Variants in TP53AIP1 observed in about 807,000 individuals in gnomAD.
TP53AIP1 encodes tumor protein p53 regulated apoptosis inducing protein 1.
Under a neutral mutation model 9.5 loss-of-function variants are expected in TP53AIP1, and 14 were observed. The ratio of observed to expected loss-of-function variants is 1.47; its 90% CI spans 0.97 to 2.30. The LOEUF is 2.30. TP53AIP1 is among the 30% of genes most tolerant of loss of function. The pLI, the probability that TP53AIP1 is intolerant of heterozygous loss-of-function variation, is 0.00. For missense variants in TP53AIP1, 153 were observed against 146.7 expected, an observed-to-expected ratio of 1.04 and a Z score of -0.22; for synonymous variants, 73 against 61.2, an observed-to-expected ratio of 1.19 and a Z score of -0.90.
At chr11:128,936,441 A>C (rs1944824964) in intron 3 of TP53AIP1, 97 bp downstream of exon 3, 12 of 1,425,902 alleles carry the variant, frequency 8.4e-6, no homozygotes, top group Non-Finnish European at 1.1e-5. Context: ...AAACTCAAAA[A>C]ACCCTATGTC....
intron 3 of TP53AIP1, 46 bp downstream of exon 3, chr11:128,936,492 C>T (rs917138318): frequency 6.6e-7 from 1 of 1,504,806 alleles, no homozygotes. Context: ...TCACTTAATT[C>T]TATCACGGCC....
chr11:128,940,440 T>C (rs910542163), intron 1 of TP53AIP1, among the ~76,000 whole-genome samples: 1 of 152,210 alleles, frequency 6.6e-6, no homozygotes, highest in African/African-American at 2.4e-5. Flanking sequence ...AAGAGGGGAT[T>C]AGGCCATGAA....
At chr11:128,941,170 GAGCTCA>G (rs1380364040) in intron 1 of TP53AIP1, among the ~76,000 whole-genome samples, 1 of 152,202 alleles carries the variant, frequency 6.6e-6, no homozygotes, top group Non-Finnish European at 1.5e-5. Context: ...GGAAGAGGAA[GAGCTCA>G]GCATCCACTT....
chr11:128,942,560 G>A (rs1196871874), intron 1 of TP53AIP1, among the ~76,000 whole-genome samples: 7 of 152,228 alleles, frequency 4.6e-5, no homozygotes, highest in Non-Finnish European at 1.0e-4. Context: ...TCTGCAGTGT[G>A]TGTTTTCGTA....
chr11:128,935,755 G>A, intron 3 of TP53AIP1, 43 bp from the exon 4 acceptor site: 1 of 1,499,018 alleles, frequency 6.7e-7, no homozygotes, highest in Non-Finnish European at 8.9e-7. Context: ...AAAACGTATG[G>A]AGTCCTTGTT....
In TP53AIP1 at chr11:128,937,326, G is replaced by T; in HGVS notation, c.141+352C>A. On this transcript the variant is annotated intron_variant, in intron 2 of 3. Transcript: ENST00000531399. This position sits in a 1 kb window ranked among gnomAD's most constrained non-coding sequence, Gnocchi z 4.8. ...TTCCCTCCCCATGCGCTCCACATGC[G>T]TCCTTTGTTCAGCCTCTCCATTTAG... The T allele has an allele frequency of 7.1e-7, 1 of 1,400,660 alleles. No individual in the cohort carries two copies. Among genetic ancestry groups the T allele is most frequent in the Non-Finnish European group, 9.2e-7 (1 of 1,081,200 alleles). 86.8% of individuals were successfully genotyped at this position (1,400,660 alleles called of 1,614,324 possible). A position where few individuals can be genotyped will look rare whatever the true frequency, so the allele number is the denominator to read the frequency against.
At chr11:128,936,168 G>C in intron 3 of TP53AIP1, 1 of 1,046,220 alleles carries the variant, frequency 9.6e-7, no homozygotes, top group Non-Finnish European at 1.2e-6. Context: ...AGACCCCGCA[G>C]CCTGGCTCCA....
intron 2 of TP53AIP1, chr11:128,936,944 C>T (rs1944836639): frequency 3.4e-6 from 4 of 1,172,082 alleles, no homozygotes; most frequent in Non-Finnish European, 3.2e-6. Context: ...CAGCTCGGGG[C>T]TTTGTCACCC....
At position 128,939,473 on chromosome 11, in the gene TP53AIP1, C is replaced by T. The variant is rs1264351371; in HGVS notation, c.-76-1579G>A. On this transcript the variant is annotated intron_variant, in intron 1 of 3. Coordinates refer to ENST00000531399, the MANE Select transcript of TP53AIP1 (RefSeq NM_022112.3). This position sits in a 1 kb window ranked among gnomAD's most constrained non-coding sequence, Gnocchi z 4.1. ...TGAAGAGTTTGAGCTGGTGCCTACA[C>T]CTCCGTCTTCCAGCCACTGAAAACA... 1.3e-5 allele frequency among the ~76,000 whole-genome samples: 2 copies of T among 152,220 alleles called. No homozygotes were observed. The highest frequency in any genetic ancestry group is 6.5e-5 in the Admixed American group (1 of 15,290).
intron 1 of TP53AIP1, among the ~76,000 whole-genome samples, chr11:128,938,600 C>G (rs575895765): frequency 6.6e-6 from 1 of 152,176 alleles, no homozygotes; most frequent in African/African-American, 2.4e-5. Flanking sequence ...CAGTCTTCCC[C>G]GTCCCTGTTC....
At chr11:128,934,774 C>G, downstream of TP53AIP1, 1 of 505,158 alleles carries the variant, frequency 2.0e-6, no homozygotes, top group South Asian at 2.4e-5. Context: ...CTAGAATGCA[C>G]AAGGGAGGAA....
intron 1 of TP53AIP1, among the ~76,000 whole-genome samples, chr11:128,942,026 G>T (rs1224991813): frequency 7.2e-6 from 1 of 138,640 alleles, no homozygotes; most frequent in Non-Finnish European, 1.6e-5. Context: ...CAATCTTCTG[G>T]GGGGCTGTGG....
chr11:128,936,326 G>T (rs904242375), intron 3 of TP53AIP1: 1 of 1,355,604 alleles, frequency 7.4e-7, no homozygotes. Context: ...TAAGTGTACC[G>T]TTACCTTTTA....
At chr11:128,940,171 G>C (rs1944913873) in intron 1 of TP53AIP1, among the ~76,000 whole-genome samples, 1 of 152,200 alleles carries the variant, frequency 6.6e-6, no homozygotes, top group Admixed American at 6.5e-5. Flanking sequence ...CCCCTGCACA[G>C]GAACCCACTC....
In TP53AIP1 at chr11:128,939,646, G is replaced by A. The variant is rs1011895851; in HGVS notation, c.-76-1752C>T. ...ACAAAAGGGATCCCCTTTCCAACCC[G>A]AAACTGTCGGATTCTCTAAGAGGTC... On this transcript the variant is annotated intron_variant, in intron 1 of 3. Coordinates refer to ENST00000531399, the MANE Select transcript of TP53AIP1 (RefSeq NM_022112.3). This position sits in a 1 kb window ranked among gnomAD's most constrained non-coding sequence, Gnocchi z 4.1. Among the ~76,000 whole-genome samples the A allele has an allele frequency of 3.3e-5, 5 of 152,148 alleles. No individual in the cohort carries two copies. The highest frequency in any genetic ancestry group is 1.9e-4 in the East Asian group (1 of 5,194).
chr11:128,935,297 G>C, downstream of TP53AIP1: 1 of 1,423,358 alleles, frequency 7.0e-7, no homozygotes, highest in Non-Finnish European at 9.1e-7. Context: ...TCCTTGCAGA[G>C]TTTTGTGGAG....
rs1424899973 is a variant in TP53AIP1, at chr11:128,939,583, C to T, written c.-76-1689G>A. Reference sequence around the variant, plus strand: ...CAAGCCAGCAGCCATGCAGCGGATGCACCTGTAGATGATGCACTGCCTTAC... The same window carrying T: ...CAAGCCAGCAGCCATGCAGCGGATGTACCTGTAGATGATGCACTGCCTTAC... On this transcript the variant is annotated intron_variant, in intron 1 of 3. Coordinates refer to ENST00000531399, the MANE Select transcript of TP53AIP1 (RefSeq NM_022112.3). The surrounding 1 kb of genome is among the most constrained non-coding windows in gnomAD (Gnocchi z 4.1). Among the ~76,000 whole-genome samples the T allele has an allele frequency of 1.3e-5, 2 of 152,254 alleles. No homozygotes were observed. The highest frequency in any genetic ancestry group is 2.1e-4 in the South Asian group (1 of 4,830).
At chr11:128,935,099 G>A (rs918806244), downstream of TP53AIP1, 66 of 707,650 alleles carry the variant, frequency 9.3e-5, no homozygotes, top group Admixed American at 4.2e-4. Context: ...TGGTAGGAAC[G>A]TGTCAGCAGG....
Position 128,939,211 on chromosome 11 carries a change from T to C in TP53AIP1, c.-76-1317A>G, listed in dbSNP as rs1196773930. The stretch of plus-strand genomic sequence containing the variant: ...GTCACGTTCTTTCCCTGCGGCTCCC[T>C]TCCCCATCTGGTTCTGGGGAAGACA... On this transcript the variant is annotated intron_variant, in intron 1 of 3. Coordinates refer to ENST00000531399, the MANE Select transcript of TP53AIP1 (RefSeq NM_022112.3). The surrounding 1 kb of genome is among the most constrained non-coding windows in gnomAD (Gnocchi z 4.1). 6.6e-6 allele frequency among the ~76,000 whole-genome samples: 1 copy of C among 152,188 alleles called. No homozygotes were observed. Among genetic ancestry groups the C allele is most frequent in the Non-Finnish European group, 1.5e-5 (1 of 68,022 alleles).
Sources: allele counts gnomAD v4.1 joint callset (sites outside exome capture counted in the v4.1 genomes callset), GRCh38; gene constraint gnomAD v4.1.1; non-coding constraint Gnocchi (gnomAD v3.1); transcripts MANE v1.5; gene names NCBI Gene and HGNC (gene_info 2026-07-23, HGNC 2026-07-21).